MAD1L1: variants seen among roughly 807,000 people sequenced by gnomAD.
The protein encoded by MAD1L1 is mitotic arrest deficient 1 like 1.
In MAD1L1, 95 loss-of-function variants were observed where a neutral mutation model predicts 96.9. The observed-to-expected ratio is 0.98, with a 90% CI of 0.83 to 1.16. The LOEUF (loss-of-function observed/expected upper bound fraction) is 1.16. Ranked by LOEUF, MAD1L1 falls within the 50% of genes most tolerant of loss-of-function variation. MAD1L1 has a pLI of 0.00. For synonymous variants in MAD1L1, 473 were observed against 396.6 expected (o/e 1.19, Z -2.29); for missense variants, 1,007 against 954.4 (o/e 1.06, Z -0.73).
At chr7:2,111,353 G>A (rs192026597) in intron 11 of MAD1L1, among the ~76,000 whole-genome samples, 62 of 152,300 alleles carry the variant, frequency 4.1e-4, no homozygotes, top group Admixed American at 1.1e-3. Flanking sequence ...CCTCCCAGGC[G>A]GCAAGGAGCT....
intron 10 of MAD1L1, among the ~76,000 whole-genome samples, chr7:2,196,389 TC>T (rs1791985922): frequency 6.6e-6 from 1 of 152,100 alleles, no homozygotes; most frequent in Admixed American, 6.5e-5. Flanking sequence ...TGGCCTTCAT[TC>T]CCACCAGCGT....
intron 11 of MAD1L1, among the ~76,000 whole-genome samples, chr7:2,135,863 A>G (rs1788724514): frequency 6.6e-6 from 1 of 152,156 alleles, no homozygotes; most frequent in African/African-American, 2.4e-5. Flanking sequence ...AAGGATCTCT[A>G]TTTTCAGGCT....
At chr7:1,929,379 A>G (rs1789294762) in intron 17 of MAD1L1, among the ~76,000 whole-genome samples, 2 of 152,264 alleles carry the variant, frequency 1.3e-5, no homozygotes, top group East Asian at 1.9e-4. Context: ...GCAATTAACA[A>G]TCTCCCTGGC....
intron 13 of MAD1L1, among the ~76,000 whole-genome samples, chr7:2,011,610 C>G (rs189777728): frequency 9.2e-5 from 14 of 151,486 alleles, no homozygotes; most frequent in Non-Finnish European, 1.2e-4. Context: ...AGGGACACCT[C>G]TCCCAGGCTC....
intron 18 of MAD1L1, chr7:1,854,252 G>A (rs1406601597): frequency 2.6e-6 from 1 of 379,368 alleles, no homozygotes; most frequent in Non-Finnish European, 5.2e-6. Context: ...TCGGTGTTGG[G>A]TACTGAGCCC....
intron 12 of MAD1L1, among the ~76,000 whole-genome samples, chr7:2,024,930 C>T (rs943734874): frequency 3.3e-5 from 5 of 152,188 alleles, no homozygotes; most frequent in African/African-American, 9.7e-5. Flanking sequence ...TAGAAGCAAA[C>T]TATTCTGTAT....
chr7:1,913,080 G>A (rs1180863623), intron 17 of MAD1L1, among the ~76,000 whole-genome samples: 1 of 152,144 alleles, frequency 6.6e-6, no homozygotes, highest in Non-Finnish European at 1.5e-5. Context: ...GTCTGCTTTC[G>A]GCAAGACGAG....
At chr7:1,890,611 G>T (rs1786477912) in intron 18 of MAD1L1, among the ~76,000 whole-genome samples, 1 of 152,318 alleles carries the variant, frequency 6.6e-6, no homozygotes, top group East Asian at 1.9e-4. Flanking sequence ...AACAGGCAAA[G>T]ACACCAGGCA....
chr7:2,203,755 C>T (rs1004094266), intron 10 of MAD1L1, among the ~76,000 whole-genome samples: 4 of 152,202 alleles, frequency 2.6e-5, no homozygotes, highest in Non-Finnish European at 4.4e-5. Flanking sequence ...GATGGGAGTA[C>T]ATAAAGAGCT....
intron 18 of MAD1L1, among the ~76,000 whole-genome samples, chr7:1,856,805 G>A (rs915682336): frequency 5.3e-5 from 8 of 152,074 alleles, no homozygotes; most frequent in Admixed American, 2.0e-4. Context: ...ACGTGGTCTC[G>A]GGCCACAACG....
intron 10 of MAD1L1, among the ~76,000 whole-genome samples, chr7:2,164,233 A>C (rs1444769772): frequency 6.6e-6 from 1 of 152,212 alleles, no homozygotes; most frequent in Non-Finnish European, 1.5e-5. Flanking sequence ...GGTGATTCTA[A>C]CATCCTCAGG....
At chr7:2,158,560 C>T (rs538843616) in intron 10 of MAD1L1, among the ~76,000 whole-genome samples, 6 of 152,236 alleles carry the variant, frequency 3.9e-5, no homozygotes, top group African/African-American at 1.2e-4. Context: ...GCTTGTTTTG[C>T]GAAAAGTATG....
chr7:2,186,818 G>C (rs1450940759), intron 10 of MAD1L1, among the ~76,000 whole-genome samples: 1 of 150,534 alleles, frequency 6.6e-6, no homozygotes, highest in African/African-American at 2.5e-5. Flanking sequence ...CTCTGAGACG[G>C]ACTCTCGCTC....
chr7:1,898,420 T>A, intron 17 of MAD1L1, 30 bp from the exon 18 acceptor site: 1 of 1,603,684 alleles, frequency 6.2e-7, no homozygotes, highest in Non-Finnish European at 8.5e-7. Flanking sequence ...AGACAGTGAG[T>A]GCGGCACCAG....
chr7:2,027,958 C>A (rs11764212), intron 12 of MAD1L1, among the ~76,000 whole-genome samples: 45,816 of 152,084 alleles, frequency 0.3, 8,074 homozygotes, highest in East Asian at 0.49. Flanking sequence ...ATATAATCTA[C>A]AAATAAATTA....
intron 12 of MAD1L1, among the ~76,000 whole-genome samples, chr7:2,046,468 C>T (rs543181677): frequency 5.1e-4 from 72 of 141,132 alleles, no homozygotes; most frequent in Non-Finnish European, 9.4e-4. Flanking sequence ...GAAATGATTT[C>T]GACACACAGA....
At chr7:2,192,719 C>G (rs1791788126) in intron 10 of MAD1L1, among the ~76,000 whole-genome samples, 1 of 152,172 alleles carries the variant, frequency 6.6e-6, no homozygotes, top group South Asian at 2.1e-4. Context: ...AAACTAACGT[C>G]ATGCCCCAAG....
At chr7:2,017,074 G>A (rs1291351974) in intron 12 of MAD1L1, among the ~76,000 whole-genome samples, 1 of 152,242 alleles carries the variant, frequency 6.6e-6, no homozygotes, top group Admixed American at 6.5e-5. Flanking sequence ...AGCACTGGCT[G>A]GCACAGAAGA....
chr7:2,187,702 T>C (rs1791527496), intron 10 of MAD1L1, among the ~76,000 whole-genome samples: 1 of 152,226 alleles, frequency 6.6e-6, no homozygotes. Flanking sequence ...AGAAAGCACA[T>C]GTAAGACATT....
Sources: allele counts gnomAD v4.1 joint callset (sites outside exome capture counted in the v4.1 genomes callset), GRCh38; gene constraint gnomAD v4.1.1; transcripts MANE v1.5; gene names NCBI Gene and HGNC (gene_info 2026-07-23, HGNC 2026-07-21).